The following TBX15 variants were observed in gnomAD, a reference collection of about 807,000 sequenced individuals.
TBX15 encodes the protein T-box transcription factor 15.
A neutral mutation model predicts 53.9 loss-of-function variants in TBX15; 18 were observed. The observed-to-expected ratio is 0.33, with a 90% CI of 0.23 to 0.49. The LOEUF is 0.49. TBX15 is among the 20% of genes least tolerant of loss of function. TBX15 has a pLI of 0.98. For synonymous variants in TBX15, 295 were observed against 278.0 expected (o/e 1.06, Z -0.61); for missense variants, 692 against 749.5 (o/e 0.92, Z 0.90).
chr1:118,977,423 G>A (rs1199300554), intron 1 of TBX15, among the ~76,000 whole-genome samples: 1 of 152,140 alleles, frequency 6.6e-6, no homozygotes, highest in Non-Finnish European at 1.5e-5. Flanking sequence ...TGCTTCCTAT[G>A]TAACAGCCAC....
intron 6 of TBX15, among the ~76,000 whole-genome samples, chr1:118,900,936 C>T (rs1654608795): frequency 6.6e-6 from 1 of 152,122 alleles, no homozygotes; most frequent in Non-Finnish European, 1.5e-5. Flanking sequence ...TGTTCCACCT[C>T]CTAGTTCATT....
At chr1:118,989,421 C>G (rs561795889), upstream of TBX15, 1 of 152,194 alleles carries the variant, frequency 6.6e-6, no homozygotes, top group African/African-American at 2.4e-5. Context: ...AAGCTCAAAC[C>G]GGCAGCGAAG....
intron 7 of TBX15, among the ~76,000 whole-genome samples, chr1:118,891,375 A>C (rs1654134816): frequency 6.6e-6 from 1 of 152,098 alleles, no homozygotes; most frequent in Non-Finnish European, 1.5e-5. Context: ...CCATTAACTT[A>C]ATTGTTTTCT....
chr1:118,952,893 G>T (rs1342860052), intron 1 of TBX15, among the ~76,000 whole-genome samples: 2 of 152,144 alleles, frequency 1.3e-5, no homozygotes, highest in Non-Finnish European at 2.9e-5. Context: ...AAAAACTGTT[G>T]TCAGCCAAGT....
At chr1:118,959,781 A>G (rs1453313803) in intron 1 of TBX15, among the ~76,000 whole-genome samples, 4 of 152,228 alleles carry the variant, frequency 2.6e-5, no homozygotes, top group African/African-American at 9.6e-5. Flanking sequence ...GAATAGGCAC[A>G]AATGTCTGCA....
chr1:118,919,269 T>C (rs2101578778), intron 5 of TBX15, among the ~76,000 whole-genome samples: 1 of 152,386 alleles, frequency 6.6e-6, no homozygotes, highest in African/African-American at 2.4e-5. Flanking sequence ...AATTTCTTGC[T>C]AATTCTGTGA....
intron 6 of TBX15, among the ~76,000 whole-genome samples, chr1:118,912,278 G>A (rs969267513): frequency 2.6e-5 from 4 of 152,006 alleles, no homozygotes; most frequent in African/African-American, 7.3e-5. Flanking sequence ...CCTTGAGAGA[G>A]AGAGAGAGTT....
chr1:118,941,074 C>T lies in TBX15; in HGVS notation c.206-9242G>A, dbSNP rs554992739. On this transcript the variant is annotated intron_variant, in intron 1 of 7. Coordinates refer to ENST00000369429, the MANE Select transcript of TBX15 (RefSeq NM_001330677.2). ...CTCTTGGCATTTTTCCTGGGTGAAGCGATACATTATCTCATCCCCAAGTCA... is the reference window on the plus strand; with the variant it reads ...CTCTTGGCATTTTTCCTGGGTGAAGTGATACATTATCTCATCCCCAAGTCA... 7.9e-5 allele frequency among the ~76,000 whole-genome samples: 12 copies of T among 152,262 alleles called. No homozygotes were observed. In the South Asian group the frequency reaches 1.9e-3, roughly 24 times the overall value.
At chr1:118,898,336 G>A (rs1654500526) in intron 7 of TBX15, among the ~76,000 whole-genome samples, 1 of 152,100 alleles carries the variant, frequency 6.6e-6, no homozygotes, top group Admixed American at 6.6e-5. Context: ...ATAATATATG[G>A]GTGCTATGCC....
chr1:118,895,404 C>G (rs542138519), intron 7 of TBX15, among the ~76,000 whole-genome samples: 13 of 152,168 alleles, frequency 8.5e-5, no homozygotes, highest in Non-Finnish European at 1.2e-4. Flanking sequence ...TGATAAAGCT[C>G]TCGGTTTTGG....
chr1:118,889,372 T>C (rs1033995783), intron 7 of TBX15, among the ~76,000 whole-genome samples: 3 of 152,214 alleles, frequency 2.0e-5, no homozygotes, highest in African/African-American at 7.2e-5. Flanking sequence ...GAGCCCATCC[T>C]CTTTGATCAT....
At chr1:118,905,268 A>G (rs993158991) in intron 6 of TBX15, among the ~76,000 whole-genome samples, 4 of 152,174 alleles carry the variant, frequency 2.6e-5, no homozygotes, top group African/African-American at 9.7e-5. Context: ...AGGCCTCATT[A>G]TCTTGCAGAT....
At chr1:118,896,207 A>T (rs1278815138) in intron 7 of TBX15, among the ~76,000 whole-genome samples, 1 of 152,160 alleles carries the variant, frequency 6.6e-6, no homozygotes, top group Non-Finnish European at 1.5e-5. Context: ...CCTGTACTAG[A>T]CTGTGTCATG....
At chr1:118,957,645 C>T (rs189581227) in intron 1 of TBX15, among the ~76,000 whole-genome samples, 17 of 152,214 alleles carry the variant, frequency 1.1e-4, no homozygotes, top group Admixed American at 3.9e-4. Flanking sequence ...CAACAGGCCG[C>T]GGTGTGTGAT....
At chr1:118,970,465 G>T (rs1212112867) in intron 1 of TBX15, among the ~76,000 whole-genome samples, 1 of 152,196 alleles carries the variant, frequency 6.6e-6, no homozygotes, top group African/African-American at 2.4e-5. Flanking sequence ...CTGGGTTAAA[G>T]AGAAACCGTC....
chr1:118,918,340 T>A (rs1655315276), intron 5 of TBX15, among the ~76,000 whole-genome samples: 2 of 152,166 alleles, frequency 1.3e-5, no homozygotes, highest in African/African-American at 2.4e-5. Flanking sequence ...TCATTGAATA[T>A]TTATTCAATG....
chr1:118,898,388 C>T (rs1317410344), intron 7 of TBX15, among the ~76,000 whole-genome samples: 1 of 152,120 alleles, frequency 6.6e-6, no homozygotes, highest in African/African-American at 2.4e-5. Flanking sequence ...TGAAATAAGT[C>T]ACAACCCATC....
chr1:118,925,021 A>G (rs1174321041), intron 3 of TBX15, among the ~76,000 whole-genome samples: 2 of 152,162 alleles, frequency 1.3e-5, no homozygotes, highest in Non-Finnish European at 2.9e-5. Flanking sequence ...GAAATGGACA[A>G]AAAGATGGAG....
chr1:118,919,227 T>C (rs1449379159), intron 5 of TBX15, among the ~76,000 whole-genome samples: 5 of 152,186 alleles, frequency 3.3e-5, no homozygotes, highest in Non-Finnish European at 7.3e-5. Context: ...GCATTCTTTT[T>C]CCCCCAGAGA....
Sources: gnomAD v4.1 joint callset for allele counts (sites outside exome capture counted in the v4.1 genomes callset) on GRCh38, gnomAD v4.1.1 for gene constraint, MANE v1.5 for transcripts, NCBI Gene and HGNC (gene_info 2026-07-23, HGNC 2026-07-21) for gene names.